Variants in PLIN3 observed in about 807,000 individuals in gnomAD.
PLIN3 encodes perilipin 3.
In PLIN3, 30 loss-of-function variants were observed where a neutral mutation model predicts 35.9. The observed-to-expected ratio is 0.84, with a 90% CI of 0.62 to 1.13. The LOEUF (loss-of-function observed/expected upper bound fraction) is 1.13, where lower values mean the gene tolerates loss of function less well. PLIN3 is among the 50% of genes most tolerant of loss of function. The probability of loss-of-function intolerance (pLI) is 0.00; values close to 1 mark genes in which losing one functional copy is unlikely to be tolerated. For missense variants in PLIN3, 603 were observed against 596.9 expected (o/e 1.01, Z -0.11); for synonymous variants, 261 against 262.5 (o/e 0.99, Z 0.06).
chr19:4,853,403 G>A (rs1220378783), intron 4 of PLIN3, among the ~76,000 whole-genome samples: 2 of 151,848 alleles, frequency 1.3e-5, no homozygotes, highest in Non-Finnish European at 2.9e-5. Flanking sequence ...TCGATTCACT[G>A]CAACCTCTGC....
chr19:4,844,615 T>C (rs910303837), intron 7 of PLIN3, 53 bp downstream of exon 7: 5 of 1,536,280 alleles, frequency 3.3e-6, no homozygotes, highest in South Asian at 1.2e-5. Context: ...GTGTAGAGAG[T>C]GGCATCGGGA....
At chr19:4,842,764 T>C (rs1178095334) in intron 7 of PLIN3, among the ~76,000 whole-genome samples, 7 of 152,070 alleles carry the variant, frequency 4.6e-5, no homozygotes, top group African/African-American at 1.2e-4. Context: ...CTGGCTGCTG[T>C]GCTTAGCAGT....
At chr19:4,839,667 C>CTTTT in intron 7 of PLIN3, 131 bp from the exon 8 acceptor site, 2 of 454,228 alleles carry the variant, frequency 4.4e-6, no homozygotes, top group Non-Finnish European at 3.7e-6. Context: ...ATAGGCGAAA[C>CTTTT]TTTTTTTTTT....
At chr19:4,863,113 C>T (rs565387677) in intron 1 of PLIN3, among the ~76,000 whole-genome samples, 9 of 152,078 alleles carry the variant, frequency 5.9e-5, no homozygotes, top group African/African-American at 1.7e-4. Context: ...GGTGAGATCG[C>T]GCCACTGCAC....
intron 4 of PLIN3, among the ~76,000 whole-genome samples, chr19:4,856,594 G>C (rs1366096515): frequency 1.3e-5 from 2 of 151,878 alleles, no homozygotes; most frequent in Non-Finnish European, 2.9e-5. Flanking sequence ...CCCTGTGCCA[G>C]GCTGCCTGCT....
chr19:4,840,152 C>T lies in PLIN3; in HGVS notation c.961-616G>A, dbSNP rs971260256. Among the ~76,000 whole-genome samples, 7 of 151,670 alleles carry T rather than the reference C, an allele frequency of 4.6e-5. 1 individual carries two copies. In the Admixed American group the frequency reaches 4.6e-4, roughly 10 times the overall value. ...CCGTCTAACTTTTGCATTTTTAGTA[C>T]AGATGGGGTTTCACCATGTTGGCCA... On this transcript the variant is annotated intron_variant, in intron 7 of 7. Coordinates refer to ENST00000221957, the MANE Select transcript of PLIN3 (RefSeq NM_005817.5).
Position 4,853,871 on chromosome 19 carries a change from G to A in PLIN3, c.349-1570C>T, listed in dbSNP as rs35916862. On this transcript the variant is annotated intron_variant, in intron 4 of 7. Transcript: ENST00000221957. ...GCTTTGCATGGAATCCTTTGACTAC[G>A]CCCCACCCAGCACATGGTGAGCGCT... Among the ~76,000 whole-genome samples the A allele has an allele frequency of 1.2e-3, 181 of 150,774 alleles. 1 individual carries two copies. The East Asian group carries it at 0.03, about 25-fold the overall frequency.
At chr19:4,840,773 G>A (rs186888338) in intron 7 of PLIN3, among the ~76,000 whole-genome samples, 91 of 152,176 alleles carry the variant, frequency 6.0e-4, no homozygotes, top group African/African-American at 2.1e-3. Flanking sequence ...GGCGAAACCC[G>A]CATTTCTACT....
chr19:4,850,587 ATTTTTTTTTTTT>A (rs71170860), intron 5 of PLIN3, among the ~76,000 whole-genome samples: 170 of 124,632 alleles, frequency 1.4e-3, no homozygotes, highest in Admixed American at 1.6e-3. Context: ...CGCCCGGCTA[ATTTTTTTTTTTT>A]TTTTTTTTTT....
At chr19:4,859,532 A>G (rs1337843843) in intron 4 of PLIN3, 58 bp downstream of exon 4, 1 of 1,431,486 alleles carries the variant, frequency 7.0e-7, no homozygotes, top group Non-Finnish European at 9.9e-7. Flanking sequence ...GGACCAGCGC[A>G]CTCCACACCC....
At chr19:4,839,650 G>C (rs1022904267) in intron 7 of PLIN3, 114 bp from the exon 8 acceptor site, 9 of 740,978 alleles carry the variant, frequency 1.2e-5, no homozygotes, top group Middle Eastern at 3.0e-4. Context: ...TGGGGCAAAC[G>C]CTTTCCATAG....
At chr19:4,849,946 T>C (rs964562788) in intron 5 of PLIN3, among the ~76,000 whole-genome samples, 11 of 151,296 alleles carry the variant, frequency 7.3e-5, no homozygotes, top group African/African-American at 2.7e-4. Flanking sequence ...TCACCACACC[T>C]GGCCTTTATT....
At chr19:4,848,212 G>C (rs553127365) in intron 5 of PLIN3, among the ~76,000 whole-genome samples, 12 of 152,224 alleles carry the variant, frequency 7.9e-5, no homozygotes, top group African/African-American at 2.9e-4. Flanking sequence ...TCGAACTCCT[G>C]ATCTCCAGTG....
chr19:4,852,359 C>T, intron 4 of PLIN3, 58 bp from the exon 5 acceptor site: 3 of 1,560,918 alleles, frequency 1.9e-6, no homozygotes, highest in East Asian at 4.5e-5. Flanking sequence ...GGCACCCCTC[C>T]CCTGCACCCC....
intron 4 of PLIN3, among the ~76,000 whole-genome samples, chr19:4,856,771 C>T (rs1243963068): frequency 6.7e-6 from 1 of 148,462 alleles, no homozygotes; most frequent in Non-Finnish European, 1.5e-5. Flanking sequence ...GTGGCACGAT[C>T]TCGGCTCACT....
chr19:4,848,860 G>A (rs980471104), intron 5 of PLIN3, among the ~76,000 whole-genome samples: 4 of 151,294 alleles, frequency 2.6e-5, no homozygotes, highest in African/African-American at 9.7e-5. Context: ...GTGAGACTCC[G>A]TCTCAAAAAA....
intron 6 of PLIN3, among the ~76,000 whole-genome samples, chr19:4,847,230 A>T (rs1197081327): frequency 6.8e-6 from 1 of 147,662 alleles, no homozygotes; most frequent in African/African-American, 2.5e-5. Context: ...TGCTCTGTTG[A>T]CTAGGCTGCA....
rs548012095 is a variant in PLIN3, at chr19:4,850,986, C to T, written c.634+1030G>A. Among the ~76,000 whole-genome samples the T allele has an allele frequency of 4.6e-5, 7 of 152,092 alleles. No homozygotes were observed. In the East Asian group the frequency reaches 7.7e-4, roughly 17 times the overall value. ...CAGCTGGGATGACAGAGGGAGACCC[C>T]GTCTTTACCAAAAATTAAATAAAGA... On this transcript the variant is annotated intron_variant, in intron 5 of 7. Transcript: ENST00000221957.
Position 4,852,124 on chromosome 19 carries a change from C to T in PLIN3, c.526G>A (p.Val176Ile), listed in dbSNP as rs750806273. Residue 176 changes from valine (V) to isoleucine (I), a missense_variant, in exon 5 of 8, where the codon GTC becomes ATC. Transcript: ENST00000221957. ...ATCTGGCCCAAGCGGGAGCCCATGA[C>T]CGATTGGACGCCGCCGGTCACTACG... is the stretch of plus-strand genomic sequence containing the variant. ...KSVVTGGVQSVMGSRLGQMVL... is the reference protein window; with the variant it reads ...KSVVTGGVQSIMGSRLGQMVL... 1 of 1,614,102 alleles carries T rather than the reference C, an allele frequency of 6.2e-7. No homozygotes were observed. The highest frequency in any genetic ancestry group is 2.2e-5 in the East Asian group (1 of 44,878).
Sources: gnomAD v4.1 joint callset for allele counts (sites outside exome capture counted in the v4.1 genomes callset) on GRCh38, gnomAD v4.1.1 for gene constraint, MANE v1.5 for transcripts, NCBI Gene and HGNC (gene_info 2026-07-23, HGNC 2026-07-21) for gene names.